Variants in FHIT observed in about 807,000 individuals in gnomAD.
FHIT encodes fragile histidine triad diadenosine triphosphatase, also known as bis(5'-adenosyl)-triphosphatase.
A neutral mutation model predicts 17.9 loss-of-function variants in FHIT; 19 were observed. The observed-to-expected ratio is 1.06, with a 90% CI of 0.74 to 1.56. The LOEUF is 1.56. Among genes scored for constraint, FHIT ranks in the 40% most tolerant of loss-of-function variants. The pLI is 0.00. For synonymous variants in FHIT, 81 were observed against 69.7 expected, an observed-to-expected ratio of 1.16 and a Z score of -0.81; for missense variants, 248 against 189.2, an observed-to-expected ratio of 1.31 and a Z score of -1.82.
At chr3:60,339,468 C>T (rs1201106604) in intron 5 of FHIT, among the ~76,000 whole-genome samples, 1 of 152,164 alleles carries the variant, frequency 6.6e-6, no homozygotes, top group Non-Finnish European at 1.5e-5. Context: ...ATTCTATGCT[C>T]ACACTTTGCT....
At chr3:59,779,059 T>C (rs73837801) in intron 8 of FHIT, among the ~76,000 whole-genome samples, 6,516 of 152,270 alleles carry the variant, frequency 0.043, 209 homozygotes, top group South Asian at 0.09. Context: ...TACTGATTAC[T>C]TGTACTGATT....
At chr3:60,610,201 A>G (rs1336492848) in intron 4 of FHIT, among the ~76,000 whole-genome samples, 1 of 152,222 alleles carries the variant, frequency 6.6e-6, no homozygotes, top group Non-Finnish European at 1.5e-5. Flanking sequence ...GAAGAGTTAA[A>G]AAATGCCTTT....
chr3:61,072,645 T>C (rs1043587869), intron 2 of FHIT, among the ~76,000 whole-genome samples: 2 of 152,096 alleles, frequency 1.3e-5, no homozygotes, highest in Non-Finnish European at 2.9e-5. Context: ...TACTTGATAA[T>C]GTTGTTGCTG....
chr3:61,142,489 T>C (rs2037114440), intron 2 of FHIT, among the ~76,000 whole-genome samples: 1 of 144,416 alleles, frequency 6.9e-6, no homozygotes, highest in Non-Finnish European at 1.6e-5. Context: ...TTTAGACTGC[T>C]AACCTGCTGT....
chr3:60,185,622 T>C (rs546233675), intron 5 of FHIT, among the ~76,000 whole-genome samples: 1 of 152,274 alleles, frequency 6.6e-6, no homozygotes, highest in South Asian at 2.1e-4. Flanking sequence ...TTCATATCAG[T>C]TGGGTAAATA....
chr3:60,534,003 T>C (rs1415265640), intron 5 of FHIT, among the ~76,000 whole-genome samples: 2 of 152,032 alleles, frequency 1.3e-5, no homozygotes, highest in Non-Finnish European at 2.9e-5. Context: ...TGGAGGAAGA[T>C]AAAAGCCCAC....
chr3:60,855,326 A>G (rs1703336266), intron 3 of FHIT, among the ~76,000 whole-genome samples: 1 of 152,158 alleles, frequency 6.6e-6, no homozygotes, highest in Non-Finnish European at 1.5e-5. Context: ...GGGGGGACTC[A>G]TGAAAGATTT....
chr3:60,077,607 C>T (rs997799219), intron 5 of FHIT: 1 of 150,376 alleles, frequency 6.6e-6, no homozygotes, highest in Non-Finnish European at 1.5e-5. Context: ...ATTCCCCTGG[C>T]TAAATAGGGA....
intron 4 of FHIT, among the ~76,000 whole-genome samples, chr3:60,721,999 A>G (rs114332788): frequency 6.1e-4 from 93 of 152,320 alleles, no homozygotes; most frequent in African/African-American, 2.0e-3. Context: ...AATTCACATT[A>G]GCTTCCACTT....
At chr3:60,625,589 T>C (rs144454746) in intron 4 of FHIT, among the ~76,000 whole-genome samples, 72 of 152,210 alleles carry the variant, frequency 4.7e-4, no homozygotes, top group Non-Finnish European at 9.0e-4. Flanking sequence ...AGACCTTTTA[T>C]CCATTTTTTA....
intron 5 of FHIT, among the ~76,000 whole-genome samples, chr3:60,312,143 G>T (rs1001514879): frequency 6.6e-6 from 1 of 151,974 alleles, no homozygotes; most frequent in Non-Finnish European, 1.5e-5. Context: ...GTACTAATGG[G>T]ATAAAAAAAT....
chr3:60,424,731 G>C (rs1010202322), intron 5 of FHIT, among the ~76,000 whole-genome samples: 1 of 152,084 alleles, frequency 6.6e-6, no homozygotes, highest in Admixed American at 6.6e-5. Context: ...AGGTACAAGT[G>C]CTTTGAAGAA....
chr3:59,990,585 G>C (rs988060486), intron 7 of FHIT, among the ~76,000 whole-genome samples: 2 of 151,964 alleles, frequency 1.3e-5, no homozygotes, highest in Non-Finnish European at 2.9e-5. Flanking sequence ...TTATCTTTGT[G>C]AGCATTTACC....
chr3:60,997,367 CT>C (rs2030747149), intron 3 of FHIT, among the ~76,000 whole-genome samples: 1 of 152,074 alleles, frequency 6.6e-6, no homozygotes. Context: ...TTCTTTTCTT[CT>C]TTTTAGTAGG....
In FHIT at chr3:60,626,137, A is replaced by T. The variant is rs192015881; in HGVS notation, c.-17-89158T>A. On this transcript the variant is annotated intron_variant, in intron 4 of 9. Transcript: ENST00000492590. The stretch of plus-strand genomic sequence containing the variant: ...CTCTCTTGATCACTGTAGAGTTGTC[A>T]TGAGTTCCGAAACCAGGAAATCCTC... 3.9e-5 allele frequency among the ~76,000 whole-genome samples: 6 copies of T among 152,208 alleles called. No individual in the cohort carries two copies. The East Asian group carries it at 1.2e-3, about 29-fold the overall frequency.
chr3:61,087,951 G>C (rs1002088755), intron 2 of FHIT, among the ~76,000 whole-genome samples: 1 of 152,178 alleles, frequency 6.6e-6, no homozygotes, highest in South Asian at 2.1e-4. Context: ...AGGAAATCAA[G>C]GTAGCTTCAG....
At chr3:60,179,000 G>C (rs543335529) in intron 5 of FHIT, among the ~76,000 whole-genome samples, 8 of 152,180 alleles carry the variant, frequency 5.3e-5, no homozygotes, top group African/African-American at 1.7e-4. Flanking sequence ...GAAATACTGA[G>C]GGGCCCCTTA....
intron 5 of FHIT, among the ~76,000 whole-genome samples, chr3:60,131,117 A>C (rs1699579536): frequency 6.8e-6 from 1 of 147,508 alleles, no homozygotes; most frequent in African/African-American, 2.6e-5. Context: ...ACCCACAGTC[A>C]TCCCTTGGAT....
At chr3:60,514,187 G>A (rs1213589154) in intron 5 of FHIT, among the ~76,000 whole-genome samples, 1 of 152,172 alleles carries the variant, frequency 6.6e-6, no homozygotes, top group Non-Finnish European at 1.5e-5. Context: ...ACTGGGTGTG[G>A]AAACCCAAAA....
Sources: allele counts gnomAD v4.1 joint callset (sites outside exome capture counted in the v4.1 genomes callset), GRCh38; gene constraint gnomAD v4.1.1; transcripts MANE v1.5; gene names NCBI Gene and HGNC (gene_info 2026-07-23, HGNC 2026-07-21).